The following ANKS1B variants were observed in gnomAD, a reference collection of about 807,000 sequenced individuals.
The protein encoded by ANKS1B is ankyrin repeat and sterile alpha motif domain containing 1B.
A neutral mutation model predicts 148.3 loss-of-function variants in ANKS1B; 36 were observed. The observed-to-expected ratio is 0.24, with a 90% CI of 0.19 to 0.32. ANKS1B has a LOEUF of 0.32. Ranked by LOEUF, ANKS1B falls within the 10% of genes least tolerant of loss-of-function variation. The pLI, the probability that ANKS1B is intolerant of heterozygous loss-of-function variation, is 1.00. For missense variants in ANKS1B, 1,157 were observed against 1,542.6 expected, an observed-to-expected ratio of 0.75 and a Z score of 4.19; for synonymous variants, 542 against 560.8, an observed-to-expected ratio of 0.97 and a Z score of 0.47.
rs143325920 is a variant in ANKS1B at position 99,562,264 on chromosome 12, T to C, written c.1273-57623A>G. Reference sequence around the variant, plus strand: ...GAGTACAAGCAAAATCAATTTTGCATAGTTCTTAAGGGCCCTATGATTTTC... The same window carrying C: ...GAGTACAAGCAAAATCAATTTTGCACAGTTCTTAAGGGCCCTATGATTTTC... On this transcript the variant is annotated intron_variant, in intron 9 of 26. Coordinates refer to ENST00000683438, the MANE Select transcript of ANKS1B (RefSeq NM_001352186.2). Among the ~76,000 whole-genome samples, 317 of 152,320 alleles carry C rather than the reference T, an allele frequency of 2.1e-3. 1 individual carries two copies. Among genetic ancestry groups the C allele is most frequent in the Non-Finnish European group, 3.6e-3 (243 of 68,014 alleles).
At chr12:99,773,859 T>C (rs1463320913) in intron 7 of ANKS1B, among the ~76,000 whole-genome samples, 1 of 152,128 alleles carries the variant, frequency 6.6e-6, no homozygotes, top group East Asian at 1.9e-4. Flanking sequence ...ACTGTTTTGA[T>C]TACTGTAGCT....
At chr12:99,066,692 G>T (rs999589565) in intron 16 of ANKS1B, among the ~76,000 whole-genome samples, 5 of 152,212 alleles carry the variant, frequency 3.3e-5, no homozygotes, top group African/African-American at 1.2e-4. Context: ...TAATTCAGAA[G>T]GAAGGGGCTA....
chr12:99,673,681 G>A (rs1308032474), intron 8 of ANKS1B, among the ~76,000 whole-genome samples: 1 of 151,690 alleles, frequency 6.6e-6, no homozygotes, highest in African/African-American at 2.4e-5. Context: ...TATCCTATTT[G>A]AAAATAAATT....
intron 14 of ANKS1B, among the ~76,000 whole-genome samples, chr12:99,201,402 G>A (rs1291043358): frequency 6.6e-6 from 1 of 152,104 alleles, no homozygotes; most frequent in African/African-American, 2.4e-5. Flanking sequence ...TCACTGGTAG[G>A]TGGATGTGTT....
intron 9 of ANKS1B, among the ~76,000 whole-genome samples, chr12:99,505,789 A>G (rs999171612): frequency 2.0e-5 from 3 of 151,846 alleles, no homozygotes; most frequent in African/African-American, 7.2e-5. Flanking sequence ...TATTTTTGCT[A>G]CAGATCCTCC....
chr12:99,348,821 C>T (rs2091065723), intron 12 of ANKS1B, among the ~76,000 whole-genome samples: 1 of 151,858 alleles, frequency 6.6e-6, no homozygotes, highest in Admixed American at 6.6e-5. Flanking sequence ...AACAAAAACA[C>T]ACTAGACAAC....
chr12:99,148,734 G>A (rs145954993), intron 15 of ANKS1B, among the ~76,000 whole-genome samples: 3 of 152,130 alleles, frequency 2.0e-5, no homozygotes, highest in African/African-American at 7.2e-5. Flanking sequence ...CTGTAAGGCT[G>A]TGCCTATTAT....
At chr12:99,123,253 G>A (rs549242847) in intron 15 of ANKS1B, among the ~76,000 whole-genome samples, 2 of 152,122 alleles carry the variant, frequency 1.3e-5, no homozygotes, top group South Asian at 4.1e-4. Context: ...TGAGGAGAAA[G>A]TGCCTCTTGA....
At chr12:99,621,473 A>C (rs1204685834) in intron 9 of ANKS1B, among the ~76,000 whole-genome samples, 5 of 150,808 alleles carry the variant, frequency 3.3e-5, no homozygotes, top group East Asian at 3.9e-4. Flanking sequence ...AAAAAAAAAA[A>C]AAAACAAGAC....
chr12:99,850,946 C>A (rs930031748), intron 1 of ANKS1B, among the ~76,000 whole-genome samples: 1 of 152,000 alleles, frequency 6.6e-6, no homozygotes. Context: ...CAATAACATG[C>A]TCTTCCTATT....
chr12:99,539,473 T>G (rs1174960276), intron 9 of ANKS1B, among the ~76,000 whole-genome samples: 1 of 151,750 alleles, frequency 6.6e-6, no homozygotes, highest in Non-Finnish European at 1.5e-5. Context: ...GAATACCAAC[T>G]AAAAAATAAC....
chr12:99,626,720 G>C (rs1010937202), intron 9 of ANKS1B, among the ~76,000 whole-genome samples: 4 of 152,126 alleles, frequency 2.6e-5, no homozygotes, highest in African/African-American at 9.7e-5. Flanking sequence ...GGGGCGAATG[G>C]AAAACCATCC....
chr12:98,924,034 G>C (rs767351670), intron 17 of ANKS1B, among the ~76,000 whole-genome samples: 1 of 152,190 alleles, frequency 6.6e-6, no homozygotes, highest in Non-Finnish European at 1.5e-5. Flanking sequence ...GAAGGGTTGG[G>C]CATGTGGGCG....
intron 25 of ANKS1B, among the ~76,000 whole-genome samples, chr12:98,759,895 G>T (rs1368411028): frequency 6.6e-6 from 1 of 152,190 alleles, no homozygotes; most frequent in East Asian, 1.9e-4. Flanking sequence ...CAGGAGACTC[G>T]CTTGAGCCCA....
At chr12:99,159,231 A>T (rs567111877) in intron 14 of ANKS1B, among the ~76,000 whole-genome samples, 40 of 152,150 alleles carry the variant, frequency 2.6e-4, no homozygotes, top group African/African-American at 8.9e-4. Context: ...GTTTGTTTTC[A>T]ATTTTTGTTT....
intron 1 of ANKS1B, among the ~76,000 whole-genome samples, chr12:99,915,202 GC>G (rs1285195907): frequency 7.9e-6 from 1 of 125,788 alleles, no homozygotes; most frequent in Non-Finnish European, 1.6e-5. Flanking sequence ...TCCAGCATGG[GC>G]AACAAGAACA....
At chr12:99,860,699 A>T (rs1263854067) in intron 1 of ANKS1B, among the ~76,000 whole-genome samples, 1 of 152,214 alleles carries the variant, frequency 6.6e-6, no homozygotes, top group Non-Finnish European at 1.5e-5. Context: ...GAAACCTGTA[A>T]GAGGAATTGG....
chr12:99,420,383 A>G (rs949793529), intron 11 of ANKS1B, among the ~76,000 whole-genome samples: 3 of 152,226 alleles, frequency 2.0e-5, no homozygotes, highest in Non-Finnish European at 4.4e-5. Flanking sequence ...AACCAGAAAG[A>G]TGTGACAATA....
intron 17 of ANKS1B, among the ~76,000 whole-genome samples, chr12:99,042,804 T>G (rs1319893): frequency 0.66 from 99,762 of 152,074 alleles, 32,984 homozygotes; most frequent in East Asian, 0.89. Context: ...CTTAGAGAAG[T>G]TTAAGTGACT....
Sources: allele counts gnomAD v4.1 joint callset (sites outside exome capture counted in the v4.1 genomes callset), GRCh38; gene constraint gnomAD v4.1.1; transcripts MANE v1.5; gene names NCBI Gene and HGNC (gene_info 2026-07-23, HGNC 2026-07-21).